ERC2: variants seen among roughly 807,000 people sequenced by gnomAD.
ERC2 encodes ERC protein 2.
In ERC2, 42 loss-of-function variants were observed where a neutral mutation model predicts 114.8. That is an observed-to-expected ratio of 0.37 (90% CI 0.29 to 0.47). The LOEUF (loss-of-function observed/expected upper bound fraction) is 0.47, where lower values mean the gene tolerates loss of function less well. ERC2 is among the 20% of genes least tolerant of loss of function. ERC2 has a pLI of 0.99. For missense variants in ERC2, 939 were observed against 1,150.7 expected, an observed-to-expected ratio of 0.82 and a Z score of 2.66; for synonymous variants, 454 against 425.5, an observed-to-expected ratio of 1.07 and a Z score of -0.82.
At chr3:56,400,899 A>T (rs2060494994) in intron 2 of ERC2, among the ~76,000 whole-genome samples, 1 of 152,230 alleles carries the variant, frequency 6.6e-6, no homozygotes, top group African/African-American at 2.4e-5. Context: ...AATGAGAGAA[A>T]CCCCAACACC....
At chr3:55,746,933 C>T (rs1362517942) in intron 14 of ERC2, among the ~76,000 whole-genome samples, 1 of 152,154 alleles carries the variant, frequency 6.6e-6, no homozygotes, top group East Asian at 1.9e-4. Flanking sequence ...CTCAAAGATG[C>T]TCAAAGATGC....
chr3:55,791,291 T>C (rs569623980), intron 14 of ERC2, among the ~76,000 whole-genome samples: 1 of 152,108 alleles, frequency 6.6e-6, no homozygotes, highest in East Asian at 1.9e-4. Context: ...GAAAACAGAA[T>C]GGAAATGAGA....
intron 17 of ERC2, among the ~76,000 whole-genome samples, chr3:55,637,590 C>T (rs1218140977): frequency 1.3e-5 from 2 of 152,184 alleles, no homozygotes; most frequent in African/African-American, 2.4e-5. Context: ...GTCTCTGCCC[C>T]TGGGTGCAAA....
chr3:55,737,837 G>GT (rs2065734005), intron 14 of ERC2, among the ~76,000 whole-genome samples: 1 of 152,162 alleles, frequency 6.6e-6, no homozygotes. Flanking sequence ...AGCTTTGAAA[G>GT]ACAGAGGTGG....
intron 14 of ERC2, among the ~76,000 whole-genome samples, chr3:55,780,921 C>T (rs1031319971): frequency 6.6e-6 from 1 of 152,212 alleles, no homozygotes; most frequent in African/African-American, 2.4e-5. Flanking sequence ...CACTCAGCTT[C>T]ATAGGGTCAA....
chr3:55,775,063 A>G (rs762803621), intron 14 of ERC2, among the ~76,000 whole-genome samples: 8 of 152,314 alleles, frequency 5.3e-5, no homozygotes, highest in African/African-American at 1.9e-4. Context: ...CCACAGCAGA[A>G]GCAGGAGCCC....
chr3:56,446,910 A>T (rs1479647824), intron 1 of ERC2, among the ~76,000 whole-genome samples: 1 of 151,982 alleles, frequency 6.6e-6, no homozygotes, highest in Non-Finnish European at 1.5e-5. Context: ...TACAGGCGTG[A>T]GCCACCACAC....
At chr3:55,955,664 A>G (rs2067902742) in intron 12 of ERC2, among the ~76,000 whole-genome samples, 1 of 152,086 alleles carries the variant, frequency 6.6e-6, no homozygotes, top group Non-Finnish European at 1.5e-5. Context: ...GGGCTGTTTC[A>G]TTTTCTTTTA....
intron 2 of ERC2, among the ~76,000 whole-genome samples, chr3:56,330,700 G>A (rs529248452): frequency 2.2e-4 from 34 of 152,174 alleles, no homozygotes; most frequent in Middle Eastern, 3.4e-3. Context: ...GCACAATGGA[G>A]CATTTTGGAT....
chr3:55,684,530 T>C (rs557744369), intron 16 of ERC2, among the ~76,000 whole-genome samples: 1 of 152,324 alleles, frequency 6.6e-6, no homozygotes, highest in South Asian at 2.1e-4. Flanking sequence ...TGCAATCAAA[T>C]AAGTTTCAAA....
chr3:55,684,014 C>T (rs1467757344), intron 16 of ERC2, among the ~76,000 whole-genome samples, 155 bp from the exon 17 acceptor site: 1 of 152,004 alleles, frequency 6.6e-6, no homozygotes, highest in African/African-American at 2.4e-5. Context: ...TCCATAGTAA[C>T]TTAAATTCCA....
chr3:56,162,742 GA>G (rs2082117991), intron 4 of ERC2, among the ~76,000 whole-genome samples: 1 of 151,946 alleles, frequency 6.6e-6, no homozygotes, highest in Admixed American at 6.6e-5. Context: ...TGTCATTTCT[GA>G]TTGAATTTAT....
In ERC2 at chr3:56,143,438, A is replaced by T. The variant is rs565577511; in HGVS notation, c.1306-3762T>A. Reference sequence around the variant, plus strand: ...GCAGGAGGTAATTGAATCATGGGGGAGGGGCCAGTCTTTCCCATGCTGTTC... The same window carrying T: ...GCAGGAGGTAATTGAATCATGGGGGTGGGGCCAGTCTTTCCCATGCTGTTC... On this transcript the variant is annotated intron_variant, in intron 5 of 17. Coordinates refer to ENST00000288221, the MANE Select transcript of ERC2 (RefSeq NM_015576.3). Among the ~76,000 whole-genome samples, 52 of 152,214 alleles carry T rather than the reference A, an allele frequency of 3.4e-4. 2 individuals carry two copies. In the South Asian group the frequency reaches 0.011, roughly 32 times the overall value.
intron 14 of ERC2, among the ~76,000 whole-genome samples, chr3:55,809,771 G>A (rs757027698): frequency 8.9e-6 from 1 of 112,472 alleles, no homozygotes; most frequent in Admixed American, 9.9e-5. Flanking sequence ...GAGGTTTGTG[G>A]TAAGAAATTA....
intron 17 of ERC2, among the ~76,000 whole-genome samples, chr3:55,571,124 CAAAAAAAA>C (rs60594862): frequency 0.17 from 11,762 of 67,276 alleles, 596 homozygotes; most frequent in Middle Eastern, 0.21. Flanking sequence ...GAGACTCCGT[CAAAAAAAA>C]AAAAAAAAAA....
intron 17 of ERC2, among the ~76,000 whole-genome samples, chr3:55,563,478 T>C (rs941300319): frequency 3.9e-5 from 6 of 152,220 alleles, no homozygotes; most frequent in African/African-American, 1.4e-4. Context: ...CAACTGGGAC[T>C]TGGCCAGTGT....
intron 6 of ERC2, among the ~76,000 whole-genome samples, chr3:56,104,918 T>C (rs781484679): frequency 3.3e-5 from 5 of 152,038 alleles, no homozygotes; most frequent in South Asian, 4.1e-4. Flanking sequence ...GAAAATGTCA[T>C]AGAGCAAGCC....
chr3:56,302,511 G>C (rs562773542), intron 2 of ERC2, among the ~76,000 whole-genome samples: 1 of 152,124 alleles, frequency 6.6e-6, no homozygotes, highest in Admixed American at 6.5e-5. Context: ...TAAAGGACCA[G>C]GATACAATAC....
chr3:56,204,452 G>C (rs2048587603), intron 3 of ERC2, among the ~76,000 whole-genome samples: 1 of 140,926 alleles, frequency 7.1e-6, no homozygotes. Context: ...AGTTTTTAAT[G>C]TGACACAAAC....
Sources: gnomAD v4.1 joint callset for allele counts (sites outside exome capture counted in the v4.1 genomes callset) on GRCh38, gnomAD v4.1.1 for gene constraint, MANE v1.5 for transcripts, NCBI Gene and HGNC (gene_info 2026-07-23, HGNC 2026-07-21) for gene names.